TMEM182: variants seen among roughly 807,000 people sequenced by gnomAD.
TMEM182 encodes transmembrane protein 182.
A neutral mutation model predicts 26.8 loss-of-function variants in TMEM182; 20 were observed. The ratio of observed to expected loss-of-function variants is 0.75; its 90% CI spans 0.53 to 1.09. The LOEUF (loss-of-function observed/expected upper bound fraction) is 1.09. TMEM182 is among the 50% of genes least tolerant of loss of function. The pLI is 0.00. For missense variants in TMEM182, 277 were observed against 275.5 expected, an observed-to-expected ratio of 1.01 and a Z score of -0.04; for synonymous variants, 109 against 102.2, an observed-to-expected ratio of 1.07 and a Z score of -0.40.
intron 1 of TMEM182, among the ~76,000 whole-genome samples, chr2:102,753,181 T>A (rs545180095): frequency 7.0e-4 from 91 of 129,652 alleles, no homozygotes; most frequent in African/African-American, 2.7e-3. Context: ...TTTTAACAAA[T>A]GAGTTTTAAG....
chr2:102,801,205 C>T (rs1682115139), intron 4 of TMEM182, among the ~76,000 whole-genome samples: 1 of 152,066 alleles, frequency 6.6e-6, no homozygotes. Context: ...ACTTACTTTA[C>T]ATTTGACTTT....
intron 3 of TMEM182, among the ~76,000 whole-genome samples, chr2:102,831,215 T>C (rs190073721): frequency 1.3e-5 from 2 of 152,324 alleles, no homozygotes; most frequent in East Asian, 3.9e-4. Context: ...CATTTGGGTA[T>C]ACACCCAGCA....
intron 4 of TMEM182, 46 bp from the exon 5 acceptor site, chr2:102,814,702 A>T: frequency 6.5e-7 from 1 of 1,548,754 alleles, no homozygotes; most frequent in Non-Finnish European, 8.8e-7. Flanking sequence ...GTTCTTGAGA[A>T]AACATCTTCA....
intron 3 of TMEM182, among the ~76,000 whole-genome samples, chr2:102,795,906 T>G (rs532027647): frequency 1.4e-4 from 21 of 152,206 alleles, no homozygotes; most frequent in African/African-American, 4.6e-4. Context: ...AACATAACCA[T>G]GATTCCTCCC....
chr2:102,794,653 AAGTT>A (rs1296260634), intron 3 of TMEM182, among the ~76,000 whole-genome samples: 2 of 152,214 alleles, frequency 1.3e-5, no homozygotes, highest in African/African-American at 2.4e-5. Flanking sequence ...CTTGATGAGA[AAGTT>A]AGAGCCTTGG....
intron 3 of TMEM182, among the ~76,000 whole-genome samples, chr2:102,781,994 T>G (rs1039281486): frequency 6.6e-6 from 1 of 152,158 alleles, no homozygotes; most frequent in Non-Finnish European, 1.5e-5. Flanking sequence ...TTGTTTCTTC[T>G]GTCTACTTAT....
intron 1 of TMEM182, among the ~76,000 whole-genome samples, chr2:102,746,987 T>G (rs1679718616): frequency 6.6e-6 from 1 of 152,246 alleles, no homozygotes; most frequent in Non-Finnish European, 1.5e-5. Context: ...ACAATTTGCT[T>G]TATGCCTTTA....
upstream of TMEM182, among the ~76,000 whole-genome samples, chr2:102,759,071 T>A (rs1234162641): frequency 2.0e-5 from 3 of 152,162 alleles, no homozygotes; most frequent in Non-Finnish European, 4.4e-5. Context: ...AGAAAGATGA[T>A]CCTTTTCTCT....
At chr2:102,760,412 G>T (rs900656189), upstream of TMEM182, among the ~76,000 whole-genome samples, 1 of 152,176 alleles carries the variant, frequency 6.6e-6, no homozygotes, top group South Asian at 2.1e-4. Flanking sequence ...CAGAAAATCA[G>T]GCAGAGCTAT....
intron 3 of TMEM182, among the ~76,000 whole-genome samples, chr2:102,771,381 G>A (rs1573513348): frequency 6.6e-6 from 1 of 152,082 alleles, no homozygotes; most frequent in East Asian, 1.9e-4. Flanking sequence ...TTGCATGCAG[G>A]CTTGGGGCCA....
intron 1 of TMEM182, among the ~76,000 whole-genome samples, chr2:102,737,439 T>A (rs1327894784): frequency 2.0e-5 from 3 of 152,144 alleles, no homozygotes; most frequent in Admixed American, 1.3e-4. Context: ...ATAAAAATAC[T>A]AAACATGCAA....
rs141316871 is a variant in TMEM182, at chr2:102,750,152, A to G, written c.-82-8237A>G. Among the ~76,000 whole-genome samples, 182 of 152,136 alleles carry G rather than the reference A, an allele frequency of 1.2e-3. 1 individual carries two copies. Among genetic ancestry groups the G allele is most frequent in the African/African-American group, 3.5e-3 (146 of 41,518 alleles). On this transcript the variant is annotated intron_variant, in intron 1 of 5. Transcript: ENST00000409173. ...GCACAGATTCACTTTCGCTTCCCCA[A>G]TGTTCCATTTTCTGGTTTGAACTCT...
At position 102,762,140 on chromosome 2, in the gene TMEM182, C is replaced by A; in HGVS notation, c.-78C>A. 2 of 774,764 alleles carry A rather than the reference C, an allele frequency of 2.6e-6. No homozygotes were observed. Among genetic ancestry groups the A allele is most frequent in the South Asian group, 1.9e-5 (1 of 51,392 alleles). The allele number at this position is 774,764 out of a possible 1,614,324, so 48.0% of individuals were successfully genotyped here. A position where few individuals can be genotyped will look rare whatever the true frequency, so the allele number is the denominator to read the frequency against. On this transcript the variant is annotated 5_prime_UTR_variant, in exon 1 of 5. In the 5' UTR this introduces an upstream ATG that the reference lacks. Transcript: ENST00000412401. The stretch of plus-strand genomic sequence containing the variant: ...TATTATTCTTTTTTTTTTTTTTTTG[C>A]TGTTGTTTCTGAGAAACTAGGTGTC...
At chr2:102,776,753 A>G (rs1468972934) in intron 3 of TMEM182, among the ~76,000 whole-genome samples, 1 of 152,146 alleles carries the variant, frequency 6.6e-6, no homozygotes, top group Non-Finnish European at 1.5e-5. Flanking sequence ...AGACCATACC[A>G]TTTTACATTC....
intron 4 of TMEM182, among the ~76,000 whole-genome samples, chr2:102,803,431 T>C (rs906723235): frequency 6.6e-6 from 1 of 152,134 alleles, no homozygotes; most frequent in Non-Finnish European, 1.5e-5. Flanking sequence ...TTAGTAGATA[T>C]AAAGGGAATA....
At chr2:102,773,984 T>C (rs539264144) in intron 3 of TMEM182, among the ~76,000 whole-genome samples, 3 of 152,324 alleles carry the variant, frequency 2.0e-5, no homozygotes, top group Admixed American at 2.0e-4. Flanking sequence ...TTTTTAATTT[T>C]AGATTTTTTA....
rs1372187233 is a variant in TMEM182, at chr2:102,816,342, A to C, written c.*1374A>C. On this transcript the variant is annotated 3_prime_UTR_variant, in exon 5 of 5. Coordinates refer to ENST00000412401, the MANE Select transcript of TMEM182 (RefSeq NM_144632.5). The stretch of plus-strand genomic sequence containing the variant: ...GTCACCACCCAGAAGATGCTCTGGG[A>C]TAGAGGAACTGCTCCTTTTCATCAG... 4 of 985,056 alleles carry C rather than the reference A, an allele frequency of 4.1e-6. No individual in the cohort carries two copies. Among genetic ancestry groups the C allele is most frequent in the Admixed American group, 6.2e-5 (1 of 16,222 alleles). The allele number at this position is 985,056 out of a possible 1,614,324, so 61.0% of individuals were successfully genotyped here.
intron 3 of TMEM182, among the ~76,000 whole-genome samples, chr2:102,783,968 C>T (rs1055602060): frequency 1.4e-5 from 2 of 143,784 alleles, no homozygotes; most frequent in Non-Finnish European, 3.2e-5. Flanking sequence ...ACGAGACACT[C>T]ATCTTACCCT....
intron 3 of TMEM182, among the ~76,000 whole-genome samples, chr2:102,784,101 C>A (rs949474248): frequency 4.6e-5 from 7 of 152,198 alleles, no homozygotes; most frequent in Non-Finnish European, 7.3e-5. Flanking sequence ...CCCTCTCAGC[C>A]CATCAGCTGA....
Sources: gnomAD v4.1 joint callset for allele counts (sites outside exome capture counted in the v4.1 genomes callset) on GRCh38, gnomAD v4.1.1 for gene constraint, MANE v1.5 for transcripts, NCBI Gene and HGNC (gene_info 2026-07-23, HGNC 2026-07-21) for gene names.